The following KBTBD12 variants were observed in gnomAD, a reference collection of about 807,000 sequenced individuals.
The protein encoded by KBTBD12 is kelch repeat and BTB domain-containing protein 12.
A neutral mutation model predicts 58.7 loss-of-function variants in KBTBD12; 53 were observed. The ratio of observed to expected loss-of-function variants is 0.90; its 90% CI spans 0.72 to 1.14. The LOEUF (loss-of-function observed/expected upper bound fraction) is 1.14, where lower values mean the gene tolerates loss of function less well. Among genes scored for constraint, KBTBD12 ranks in the 50% most tolerant of loss-of-function variants. KBTBD12 has a pLI of 0.00. For missense variants in KBTBD12, 704 were observed against 751.3 expected, an observed-to-expected ratio of 0.94 and a Z score of 0.74; for synonymous variants, 236 against 259.8, an observed-to-expected ratio of 0.91 and a Z score of 0.88.
chr3:127,964,912 A>T (rs753739679), intron 5 of KBTBD12, among the ~76,000 whole-genome samples: 2 of 152,340 alleles, frequency 1.3e-5, no homozygotes, highest in Non-Finnish European at 2.9e-5. Flanking sequence ...CTATCATAGT[A>T]GTAAGAAACC....
chr3:127,926,122 A>G (rs1939561261), intron 2 of KBTBD12, among the ~76,000 whole-genome samples: 1 of 151,938 alleles, frequency 6.6e-6, no homozygotes, highest in South Asian at 2.1e-4. Context: ...CTTTGTCACT[A>G]TTGTTTTCTT....
chr3:127,981,411 G>A (rs1329311730), intron 5 of KBTBD12, among the ~76,000 whole-genome samples: 2 of 152,076 alleles, frequency 1.3e-5, no homozygotes, highest in Non-Finnish European at 2.9e-5. Context: ...CCAATAAATA[G>A]TCATTATTAT....
chr3:127,967,895 G>A (rs944834676), intron 5 of KBTBD12, among the ~76,000 whole-genome samples: 1 of 152,084 alleles, frequency 6.6e-6, no homozygotes. Context: ...TTTTGTTCTG[G>A]ACTATTTCTT....
chr3:127,984,499 A>G lies in KBTBD12; in HGVS notation c.*221A>G. The G allele has an allele frequency of 2.2e-6, 1 of 448,414 alleles. No individual in the cohort carries two copies. The highest frequency in any genetic ancestry group is 3.1e-5 in the South Asian group (1 of 32,700). 27.8% of individuals were successfully genotyped at this position (448,414 alleles called of 1,614,324 possible). A position where few individuals can be genotyped will look rare whatever the true frequency, so the allele number is the denominator to read the frequency against. On this transcript the variant is annotated 3_prime_UTR_variant, in exon 6 of 6. Coordinates refer to ENST00000405109, the MANE Select transcript of KBTBD12 (RefSeq NM_207335.4). The stretch of plus-strand genomic sequence containing the variant: ...AATAAGACACTACAAAGAAGAGGTG[A>G]TGACGGCCACAGGAGGGGCACAGGG...
At chr3:127,921,232 G>A (rs892215953) in intron 1 of KBTBD12, among the ~76,000 whole-genome samples, 1 of 152,038 alleles carries the variant, frequency 6.6e-6, no homozygotes, top group African/African-American at 2.4e-5. Flanking sequence ...GCTAAGGAAC[G>A]TGTTAATATT....
In KBTBD12 at chr3:127,920,392, C is replaced by CTTT. The variant is rs78135551; in HGVS notation, c.-112-2545_-112-2543dup. ...TTGACGCATGTAGATCTAGTTCATT[C>CTTT]TTTTTTTTTTTTTTTGCTGTACTAT... On this transcript the variant is annotated intron_variant, in intron 1 of 5. Transcript: ENST00000405109. Among the ~76,000 whole-genome samples, 61 of 133,898 alleles carry CTTT rather than the reference C, an allele frequency of 4.6e-4. 1 individual carries two copies. The highest frequency in any genetic ancestry group is 1.6e-3 in the African/African-American group (57 of 36,452). The allele number at this position is 133,898 out of a possible 152,430, so 87.8% of individuals were successfully genotyped here.
chr3:127,945,164 CTTTTTTTTTTTTTTTTTTTTTTTTT>C (rs56216317), intron 4 of KBTBD12, among the ~76,000 whole-genome samples: 1 of 28,780 alleles, frequency 3.5e-5, no homozygotes, highest in East Asian at 1.0e-3. Context: ...TAGTAGCTAT[CTTTTTTTTTTTTTTTTTTTTTTTTT>C]TTTTTTTTTT....
chr3:127,967,701 C>G (rs1286095018), intron 5 of KBTBD12, among the ~76,000 whole-genome samples: 1 of 152,240 alleles, frequency 6.6e-6, no homozygotes, highest in Non-Finnish European at 1.5e-5. Flanking sequence ...TGTAAAGCAG[C>G]TATTTAAATC....
At chr3:127,937,282 A>C (rs1197538190) in intron 4 of KBTBD12, among the ~76,000 whole-genome samples, 1 of 152,204 alleles carries the variant, frequency 6.6e-6, no homozygotes, top group Non-Finnish European at 1.5e-5. Context: ...AAGAAATAAA[A>C]GAATAAAATT....
intron 5 of KBTBD12, 115 bp downstream of exon 5, chr3:127,963,501 G>A (rs1484446945): frequency 2.0e-6 from 2 of 1,005,456 alleles, no homozygotes; most frequent in African/African-American, 3.3e-5. Flanking sequence ...GCAAAAGCAT[G>A]GCTTTTAGAG....
At chr3:127,972,065 A>T (rs1384932331) in intron 5 of KBTBD12, among the ~76,000 whole-genome samples, 2 of 152,220 alleles carry the variant, frequency 1.3e-5, no homozygotes, top group African/African-American at 4.8e-5. Context: ...TTCTTTTACT[A>T]ACCAATGCAG....
chr3:127,980,763 C>A (rs12488105), intron 5 of KBTBD12, among the ~76,000 whole-genome samples: 6,518 of 152,244 alleles, frequency 0.043, 183 homozygotes, highest in Non-Finnish European at 0.065. Flanking sequence ...AAACATTTCT[C>A]CCACTCCAAA....
chr3:127,945,707 C>G (rs1211635060), intron 4 of KBTBD12, among the ~76,000 whole-genome samples: 1 of 134,858 alleles, frequency 7.4e-6, no homozygotes, highest in Non-Finnish European at 1.5e-5. Flanking sequence ...GAGACAGAGT[C>G]TTGCTCTGTC....
intron 1 of KBTBD12, among the ~76,000 whole-genome samples, chr3:127,921,363 G>A (rs1322844261): frequency 2.0e-5 from 3 of 152,000 alleles, no homozygotes; most frequent in African/African-American, 4.8e-5. Context: ...TCCATTTATT[G>A]ATCATTTGGA....
At chr3:127,937,312 A>G (rs898417537) in intron 4 of KBTBD12, among the ~76,000 whole-genome samples, 1 of 152,248 alleles carries the variant, frequency 6.6e-6, no homozygotes, top group African/African-American at 2.4e-5. Context: ...ACCAGGAAAT[A>G]GAAAATGATA....
intron 4 of KBTBD12, among the ~76,000 whole-genome samples, chr3:127,954,856 G>A (rs1940287952): frequency 6.6e-6 from 1 of 152,130 alleles, no homozygotes; most frequent in African/African-American, 2.4e-5. Flanking sequence ...TTTGCGTGTA[G>A]GGCCTAACTC....
At chr3:127,950,378 G>A (rs1940178148) in intron 4 of KBTBD12, among the ~76,000 whole-genome samples, 1 of 152,164 alleles carries the variant, frequency 6.6e-6, no homozygotes, top group South Asian at 2.1e-4. Context: ...CTAGATGAGT[G>A]AAAACAAGCA....
intron 1 of KBTBD12, among the ~76,000 whole-genome samples, chr3:127,917,006 A>G (rs1939261124): frequency 6.6e-6 from 1 of 152,248 alleles, no homozygotes; most frequent in African/African-American, 2.4e-5. Context: ...CAATGAACAC[A>G]GAAAATGTCT....
chr3:127,924,585 T>C (rs1200576193), intron 2 of KBTBD12, among the ~76,000 whole-genome samples: 1 of 152,000 alleles, frequency 6.6e-6, no homozygotes, highest in East Asian at 1.9e-4. Flanking sequence ...AAGATCTTAA[T>C]ATAACAAGAA....
Sources: allele counts gnomAD v4.1 joint callset (sites outside exome capture counted in the v4.1 genomes callset), GRCh38; gene constraint gnomAD v4.1.1; transcripts MANE v1.5; gene names NCBI Gene and HGNC (gene_info 2026-07-23, HGNC 2026-07-21).